The following RSF1 variants were observed in gnomAD, a reference collection of about 807,000 sequenced individuals.
RSF1 encodes the protein remodeling and spacing factor 1.
RSF1 carries 13 observed loss-of-function variants against 145.2 expected under a neutral mutation model. The observed-to-expected ratio is 0.09, with a 90% confidence interval of 0.06 to 0.14. RSF1 has a LOEUF of 0.14. Among genes scored for constraint, RSF1 ranks in the 10% least tolerant of loss-of-function variants. The pLI is 1.00. For missense variants in RSF1, 1,517 were observed against 1,718.2 expected (o/e 0.88, Z 2.07); for synonymous variants, 577 against 592.6 (o/e 0.97, Z 0.38).
chr11:77,858,631 CT>C, the RSF1 span, among the ~76,000 whole-genome samples: 1 of 152,146 alleles, frequency 6.6e-6, no homozygotes, highest in African/African-American at 2.4e-5. Flanking sequence ...TCAGTCCCCC[CT>C]CTCAACAGGA....
chr11:77,852,757 A>AT, the RSF1 span, among the ~76,000 whole-genome samples: 2,082 of 151,936 alleles, frequency 0.014, 22 homozygotes, highest in Non-Finnish European at 0.021. Flanking sequence ...TATATAAATA[A>AT]TTTTTTTTCT....
chr11:77,707,049 A>G (rs547694151), intron 5 of RSF1, among the ~76,000 whole-genome samples: 3 of 152,278 alleles, frequency 2.0e-5, no homozygotes, highest in African/African-American at 7.2e-5. Context: ...TCCTTTCCCT[A>G]TAAGGAATTA....
At chr11:77,691,393 C>T (rs1408724012) in intron 8 of RSF1, among the ~76,000 whole-genome samples, 155 bp from the exon 9 acceptor site, 1 of 152,158 alleles carries the variant, frequency 6.6e-6, no homozygotes, top group Non-Finnish European at 1.5e-5. Flanking sequence ...ATTAAACACA[C>T]CTTTTGAACA....
At chr11:77,869,317 T>TC in the RSF1 span, 284 of 163,948 alleles carry the variant, frequency 1.7e-3, 2 homozygotes, top group African/African-American at 5.8e-3. Flanking sequence ...TTTTTCTTTT[T>TC]TTTTTTTTTT....
At chr11:77,797,833 CAA>C (rs142770554) in intron 1 of RSF1, among the ~76,000 whole-genome samples, 32,244 of 152,026 alleles carry the variant, frequency 0.21, 3,501 homozygotes, top group Middle Eastern at 0.24. Context: ...ACAACCCCAT[CAA>C]AAAGTGGGCA....
rs1961486658 is a variant in RSF1 at position 77,740,632 on chromosome 11, A to C, written c.578+99T>G. 3.4e-6 allele frequency: 4 copies of C among 1,166,006 alleles called. No homozygotes were observed. The Admixed American group carries it at 7.6e-5, about 22-fold the overall frequency. 72.2% of individuals were successfully genotyped at this position (1,166,006 alleles called of 1,614,324 possible). On this transcript the variant is annotated intron_variant, in intron 4 of 15. Transcript: ENST00000308488. Reference sequence around the variant, plus strand: ...TTGACAACTCCCAAAACTCACACACAAAAAACCACTTCTGTCTGATAGATA... The same window carrying C: ...TTGACAACTCCCAAAACTCACACACCAAAAACCACTTCTGTCTGATAGATA...
chr11:77,839,526 T>G, the RSF1 span, among the ~76,000 whole-genome samples: 2 of 152,168 alleles, frequency 1.3e-5, no homozygotes, highest in African/African-American at 4.8e-5. Context: ...ACACATATAT[T>G]CATTGCAGCA....
the RSF1 span, among the ~76,000 whole-genome samples, chr11:77,853,529 C>T: frequency 2.0e-5 from 3 of 152,130 alleles, no homozygotes; most frequent in Admixed American, 6.5e-5. Context: ...GGCCTCACAC[C>T]AGGCCCCTTC....
intron 4 of RSF1, among the ~76,000 whole-genome samples, chr11:77,736,596 T>G (rs1961359014): frequency 6.6e-6 from 1 of 152,236 alleles, no homozygotes; most frequent in Non-Finnish European, 1.5e-5. Flanking sequence ...GAGAGACCTA[T>G]GTGGACAAGA....
At chr11:77,740,618 C>A in intron 4 of RSF1, 113 bp downstream of exon 4, 1 of 927,856 alleles carries the variant, frequency 1.1e-6, no homozygotes. Context: ...TGACAACTCC[C>A]AAAACTCACA....
At chr11:77,772,632 A>G (rs1003836637) in intron 1 of RSF1, among the ~76,000 whole-genome samples, 3 of 152,180 alleles carry the variant, frequency 2.0e-5, no homozygotes, top group African/African-American at 7.2e-5. Context: ...TTTGTCATTC[A>G]TAATTGAAGG....
chr11:77,743,024 ATAC>A (rs1390923057), intron 3 of RSF1, among the ~76,000 whole-genome samples: 1 of 152,140 alleles, frequency 6.6e-6, no homozygotes, highest in Admixed American at 6.5e-5. Context: ...TGTAATCCTG[ATAC>A]CACCGTCAAA....
At chr11:77,845,427 C>T in the RSF1 span, among the ~76,000 whole-genome samples, 3 of 148,696 alleles carry the variant, frequency 2.0e-5, no homozygotes, top group Admixed American at 6.8e-5. Context: ...ATTTCTTTTT[C>T]TTTTCTTTTT....
chr11:77,747,350 C>T (rs1948012643), intron 2 of RSF1, among the ~76,000 whole-genome samples: 1 of 152,224 alleles, frequency 6.6e-6, no homozygotes, highest in South Asian at 2.1e-4. Context: ...ATCTCTGTAG[C>T]TCTCTCCTCT....
At chr11:77,728,966 C>A (rs1377544464) in intron 4 of RSF1, among the ~76,000 whole-genome samples, 1 of 151,952 alleles carries the variant, frequency 6.6e-6, no homozygotes, top group Non-Finnish European at 1.5e-5. Context: ...ATTCTAGATA[C>A]AATCATGCAT....
At chr11:77,766,797 G>A (rs1405840978) in intron 1 of RSF1, among the ~76,000 whole-genome samples, 2 of 152,188 alleles carry the variant, frequency 1.3e-5, no homozygotes, top group African/African-American at 4.8e-5. Flanking sequence ...ATTGGAGGAA[G>A]ACAGATTTTT....
In RSF1 at chr11:77,701,982, T is replaced by C. The variant is rs954490816; in HGVS notation, c.1247A>G (p.Asp416Gly). The C allele has an allele frequency of 2.5e-6, 4 of 1,613,924 alleles. No individual in the cohort carries two copies. The highest frequency in any genetic ancestry group is 2.7e-5 in the African/African-American group (2 of 74,938). ...AGTCTCTTCCTCTTGTTTTATTTCA[T>C]CTTTCAAAAACTCTTTTGTTGGAGT... Reference protein sequence around the residue: ...SVTPTKEFLKDEIKQEEETCK... With the variant: ...SVTPTKEFLKGEIKQEEETCK... Residue 416 changes from aspartate to glycine, a missense_variant, in exon 6 of 16, where the codon GAT becomes GGT. Asp to Gly is a moderately conservative substitution (Grantham distance 94). Around this residue, in one of 12 missense-constraint regions of RSF1, gnomAD observed 579 missense variants for 553.5 expected, o/e 1.05. Coordinates refer to ENST00000308488, the MANE Select transcript of RSF1 (RefSeq NM_016578.4).
At chr11:77,824,657 G>A (rs1249353169), upstream of RSF1, among the ~76,000 whole-genome samples, 2 of 152,136 alleles carry the variant, frequency 1.3e-5, no homozygotes, top group African/African-American at 2.4e-5. Context: ...TCAATATGAA[G>A]GTCAAAACTA....
intron 15 of RSF1, among the ~76,000 whole-genome samples, chr11:77,670,244 A>G (rs1219022853): frequency 6.6e-6 from 1 of 151,980 alleles, no homozygotes; most frequent in Admixed American, 6.6e-5. Flanking sequence ...TGCTCCAACA[A>G]CCCTGCACTC....
Sources: allele counts gnomAD v4.1 joint callset (sites outside exome capture counted in the v4.1 genomes callset), GRCh38; gene constraint gnomAD v4.1.1; regional missense constraint gnomAD v4.1.1; transcripts MANE v1.5; gene names NCBI Gene and HGNC (gene_info 2026-07-23, HGNC 2026-07-21).